TMEM132D: variants seen among roughly 807,000 people sequenced by gnomAD.
TMEM132D encodes the protein transmembrane protein 132D.
A neutral mutation model predicts 62.3 loss-of-function variants in TMEM132D; 21 were observed. The ratio of observed to expected loss-of-function variants is 0.34; its 90% CI spans 0.24 to 0.49. The LOEUF (loss-of-function observed/expected upper bound fraction) is 0.49, where lower values mean the gene tolerates loss of function less well. TMEM132D is among the 20% of genes least tolerant of loss of function. The pLI is 0.99. For missense variants in TMEM132D, 1,346 were observed against 1,402.8 expected (o/e 0.96, Z 0.65); for synonymous variants, 621 against 575.6 (o/e 1.08, Z -1.13).
chr12:129,574,383 T>C (rs2137121683), intron 2 of TMEM132D, among the ~76,000 whole-genome samples: 1 of 152,060 alleles, frequency 6.6e-6, no homozygotes, highest in South Asian at 2.1e-4. Flanking sequence ...GGGTTTCCTC[T>C]ATTCTGAATC....
At chr12:129,891,547 G>A (rs1802957984) in intron 1 of TMEM132D, among the ~76,000 whole-genome samples, 1 of 152,190 alleles carries the variant, frequency 6.6e-6, no homozygotes. Flanking sequence ...GCTAATATCT[G>A]TGCAAAATGG....
chr12:129,723,902 T>C (rs979820842), intron 1 of TMEM132D, among the ~76,000 whole-genome samples: 1 of 152,208 alleles, frequency 6.6e-6, no homozygotes, highest in Non-Finnish European at 1.5e-5. Flanking sequence ...ACGCCTGCCC[T>C]CCACTACCAA....
At chr12:129,199,504 A>C (rs148410644) in intron 5 of TMEM132D, among the ~76,000 whole-genome samples, 1 of 152,204 alleles carries the variant, frequency 6.6e-6, no homozygotes, top group African/African-American at 2.4e-5. Context: ...CAGAAGAAGA[A>C]CTTACAAGAT....
intron 5 of TMEM132D, among the ~76,000 whole-genome samples, chr12:129,159,755 G>A (rs575488667): frequency 3.7e-5 from 4 of 108,706 alleles, no homozygotes; most frequent in East Asian, 5.2e-4. Flanking sequence ...TGAGACTCGG[G>A]CTCAAAAAAA....
intron 3 of TMEM132D, among the ~76,000 whole-genome samples, chr12:129,379,477 C>T (rs1870877445): frequency 6.6e-6 from 1 of 152,190 alleles, no homozygotes; most frequent in Non-Finnish European, 1.5e-5. Flanking sequence ...CCTACATTAC[C>T]TGACACGTCT....
intron 4 of TMEM132D, among the ~76,000 whole-genome samples, chr12:129,310,446 G>C (rs1054349339): frequency 6.6e-6 from 1 of 152,194 alleles, no homozygotes; most frequent in Non-Finnish European, 1.5e-5. Flanking sequence ...TTGTGGGACA[G>C]GCCCAGCCCA....
chr12:129,837,733 A>G (rs1873051422), intron 1 of TMEM132D, among the ~76,000 whole-genome samples: 1 of 152,160 alleles, frequency 6.6e-6, no homozygotes, highest in Non-Finnish European at 1.5e-5. Flanking sequence ...CTTCCCAACC[A>G]CACACCCATG....
At chr12:129,206,495 G>A (rs985518565) in intron 5 of TMEM132D, among the ~76,000 whole-genome samples, 5 of 152,146 alleles carry the variant, frequency 3.3e-5, no homozygotes, top group Non-Finnish European at 7.4e-5. Context: ...TGCTGATACG[G>A]TGCTGGTGGG....
chr12:129,321,973 A>T (rs1868732761), intron 4 of TMEM132D, among the ~76,000 whole-genome samples: 1 of 152,166 alleles, frequency 6.6e-6, no homozygotes, highest in Non-Finnish European at 1.5e-5. Context: ...TATTCTTACT[A>T]GTATAGTTCC....
intron 1 of TMEM132D, among the ~76,000 whole-genome samples, chr12:129,711,279 G>T (rs1030592382): frequency 6.6e-6 from 1 of 152,134 alleles, no homozygotes; most frequent in East Asian, 1.9e-4. Flanking sequence ...TCCTCTCTGC[G>T]TTTCACATCT....
chr12:129,271,958 TG>T lies in TMEM132D; in HGVS notation c.1300-62296del, dbSNP rs534612924. ...GGATTGCTGGGTTAAACAGTATTTC[TG>T]GTTCTAGATCTTTGAGGAATTGCCA... On this transcript the variant is annotated intron_variant, in intron 4 of 8. Coordinates refer to ENST00000422113, the MANE Select transcript of TMEM132D (RefSeq NM_133448.3). Among the ~76,000 whole-genome samples, 14 of 152,028 alleles carry T rather than the reference TG, an allele frequency of 9.2e-5. No homozygotes were observed. The South Asian group carries it at 2.7e-3, about 29-fold the overall frequency.
chr12:129,722,949 C>T (rs977027592), intron 1 of TMEM132D, among the ~76,000 whole-genome samples: 3 of 151,960 alleles, frequency 2.0e-5, no homozygotes. Flanking sequence ...ACCATGTTGG[C>T]TAGGCTGGTC....
chr12:129,493,026 C>A (rs1237292764), intron 3 of TMEM132D, among the ~76,000 whole-genome samples: 1 of 152,142 alleles, frequency 6.6e-6, no homozygotes, highest in East Asian at 1.9e-4. Context: ...ATTCTCAGCT[C>A]GGAAATAGGG....
At chr12:129,810,244 G>C (rs1464674823) in intron 1 of TMEM132D, among the ~76,000 whole-genome samples, 3 of 152,056 alleles carry the variant, frequency 2.0e-5, no homozygotes, top group Non-Finnish European at 4.4e-5. Flanking sequence ...AGCAACGTAT[G>C]AATTTGGAAG....
chr12:129,188,125 A>G (rs901830982), intron 5 of TMEM132D, among the ~76,000 whole-genome samples: 6 of 152,192 alleles, frequency 3.9e-5, no homozygotes. Context: ...AGAGTTGAAG[A>G]CTGTTTTCTA....
At chr12:129,348,147 C>A (rs556598848) in intron 3 of TMEM132D, among the ~76,000 whole-genome samples, 1 of 152,110 alleles carries the variant, frequency 6.6e-6, no homozygotes, top group Non-Finnish European at 1.5e-5. Context: ...GACAGTGTGG[C>A]GATTCCCCAA....
At chr12:129,362,773 A>G (rs1038345572) in intron 3 of TMEM132D, among the ~76,000 whole-genome samples, 11 of 152,176 alleles carry the variant, frequency 7.2e-5, no homozygotes, top group African/African-American at 2.4e-4. Flanking sequence ...GGCAGAAAAC[A>G]CAAAATCAGA....
At chr12:129,674,518 A>G (rs1880581340) in intron 2 of TMEM132D, among the ~76,000 whole-genome samples, 2 of 151,900 alleles carry the variant, frequency 1.3e-5, no homozygotes, top group South Asian at 2.1e-4. Flanking sequence ...TCAAGTCTGA[A>G]CTCTACATAT....
chr12:129,164,688 G>A lies in TMEM132D; in HGVS notation c.1443+44832C>T, dbSNP rs117346529. Among the ~76,000 whole-genome samples the A allele has an allele frequency of 5.2e-3, 791 of 152,228 alleles. 23 individuals are homozygous for A. Among genetic ancestry groups the A allele is most frequent in the Admixed American group, 0.037 (569 of 15,288 alleles). The stretch of plus-strand genomic sequence containing the variant: ...GGCAGGAAGAAGTGCTGAGTGAAGG[G>A]GAAAGAGCCCATTATAAAACCATCA... On this transcript the variant is annotated intron_variant, in intron 5 of 8. Transcript: ENST00000422113.
Sources: gnomAD v4.1 joint callset for allele counts (sites outside exome capture counted in the v4.1 genomes callset) on GRCh38, gnomAD v4.1.1 for gene constraint, MANE v1.5 for transcripts, NCBI Gene and HGNC (gene_info 2026-07-23, HGNC 2026-07-21) for gene names.